AOPEP: variants seen among roughly 807,000 people sequenced by gnomAD.
AOPEP encodes the protein aminopeptidase O.
In AOPEP, 77 loss-of-function variants were observed where a neutral mutation model predicts 98.1. That is an observed-to-expected ratio of 0.78 (90% CI 0.65 to 0.95). The LOEUF is 0.95. Ranked by LOEUF, AOPEP falls within the 40% of genes least tolerant of loss-of-function variation. AOPEP has a pLI of 0.00. For missense variants in AOPEP, 1,024 were observed against 1,024.7 expected (o/e 1.00, Z 0.01); for synonymous variants, 346 against 365.3 (o/e 0.95, Z 0.60).
chr9:95,124,208 T>C, the AOPEP span, among the ~76,000 whole-genome samples: 1 of 151,610 alleles, frequency 6.6e-6, no homozygotes, highest in Non-Finnish European at 1.5e-5. Context: ...AGCATTGTAG[T>C]TCTCCTCTCG....
intron 15 of AOPEP, chr9:95,081,033 C>G: frequency 7.9e-6 from 4 of 507,712 alleles, no homozygotes; most frequent in South Asian, 7.2e-5. Context: ...GCTGCGTGCT[C>G]ACACTTCACG....
chr9:94,862,650 C>A (rs80156535), intron 5 of AOPEP, among the ~76,000 whole-genome samples: 1 of 152,216 alleles, frequency 6.6e-6, no homozygotes, highest in South Asian at 2.1e-4. Flanking sequence ...CTCCCTGGAA[C>A]CTTCTCCCAG....
intron 14 of AOPEP, among the ~76,000 whole-genome samples, chr9:95,071,918 G>A (rs1042514741): frequency 6.6e-6 from 1 of 152,206 alleles, no homozygotes; most frequent in African/African-American, 2.4e-5. Context: ...GCAGAGGGAA[G>A]AATAAGGCCC....
chr9:95,117,690 C>T, the AOPEP span, among the ~76,000 whole-genome samples: 1 of 151,770 alleles, frequency 6.6e-6, no homozygotes, highest in African/African-American at 2.4e-5. Context: ...GAAAGACTTG[C>T]CAAAGCCGTT....
chr9:94,793,018 G>A (rs889942862), intron 4 of AOPEP, 100 bp downstream of exon 4: 40 of 1,319,402 alleles, frequency 3.0e-5, no homozygotes, highest in Non-Finnish European at 4.2e-5. Flanking sequence ...AGTCATTCCT[G>A]CTGAGAAACT....
intron 1 of AOPEP, among the ~76,000 whole-genome samples, chr9:94,758,056 C>A (rs1305427899): frequency 6.6e-6 from 1 of 152,216 alleles, no homozygotes; most frequent in African/African-American, 2.4e-5. Context: ...ACTTCTATTG[C>A]ACTGAAAGTG....
the AOPEP span, chr9:95,099,793 C>T: frequency 1.3e-5 from 3 of 232,488 alleles, no homozygotes; most frequent in Non-Finnish European, 2.6e-5. Flanking sequence ...CTGGGAGATT[C>T]TGCAGATGGG....
chr9:95,100,874 C>T, the AOPEP span: 1 of 231,724 alleles, frequency 4.3e-6, no homozygotes, highest in Non-Finnish European at 8.5e-6. Flanking sequence ...AAGTAATCCC[C>T]CTGCCTTGGC....
the AOPEP span, among the ~76,000 whole-genome samples, chr9:95,149,482 ATT>A: frequency 1.4e-5 from 2 of 146,648 alleles, no homozygotes; most frequent in Admixed American, 6.8e-5. Context: ...ATCCTCAGTA[ATT>A]TTTTTTTTTT....
intron 5 of AOPEP, among the ~76,000 whole-genome samples, chr9:94,891,738 C>T (rs535969249): frequency 6.6e-6 from 1 of 152,272 alleles, no homozygotes; most frequent in South Asian, 2.1e-4. Context: ...TTTTGTTCAA[C>T]CATAAAATAA....
At chr9:94,929,411 C>T (rs1360416619) in intron 7 of AOPEP, among the ~76,000 whole-genome samples, 1 of 152,232 alleles carries the variant, frequency 6.6e-6, no homozygotes, top group Non-Finnish European at 1.5e-5. Context: ...TGACTGAAGC[C>T]TAACGCAAAT....
In AOPEP at chr9:95,086,776, T is replaced by G. The variant is rs1240665231; in HGVS notation, c.*99T>G. ...GACATCAAAGGAGGGATTATGTGGC[T>G]GCTAAAGCCATCGGCCCACAGCCCT... On this transcript the variant is annotated 3_prime_UTR_variant, in exon 17 of 17. Transcript: ENST00000375315. The G allele has an allele frequency of 5.1e-6, 5 of 987,926 alleles. No homozygotes were observed. Among genetic ancestry groups the G allele is most frequent in the Middle Eastern group, 2.8e-4 (1 of 3,562 alleles). 61.2% of individuals were successfully genotyped at this position (987,926 alleles called of 1,614,324 possible). A position where few individuals can be genotyped will look rare whatever the true frequency, so the allele number is the denominator to read the frequency against.
At chr9:94,842,562 T>C (rs1453485397) in intron 5 of AOPEP, among the ~76,000 whole-genome samples, 3 of 152,208 alleles carry the variant, frequency 2.0e-5, no homozygotes, top group Admixed American at 2.0e-4. Flanking sequence ...TGCTTTCAAT[T>C]GTCAAACACA....
intron 5 of AOPEP, among the ~76,000 whole-genome samples, chr9:94,868,035 T>C (rs2135550243): frequency 6.6e-6 from 1 of 152,298 alleles, no homozygotes; most frequent in African/African-American, 2.4e-5. Context: ...ACTCTGGAGA[T>C]TTGCCTACAG....
At chr9:94,949,848 G>T (rs935957894) in intron 7 of AOPEP, among the ~76,000 whole-genome samples, 3 of 152,230 alleles carry the variant, frequency 2.0e-5, no homozygotes. Flanking sequence ...AGGTGTCTTC[G>T]TGGAGCGGTG....
At chr9:95,103,545 T>A in the AOPEP span, among the ~76,000 whole-genome samples, 1 of 152,276 alleles carries the variant, frequency 6.6e-6, no homozygotes, top group African/African-American at 2.4e-5. Flanking sequence ...CTCTGCTCTG[T>A]GCCGGCCTCC....
intron 7 of AOPEP, among the ~76,000 whole-genome samples, chr9:94,946,840 T>C (rs1264095255): frequency 6.6e-6 from 1 of 152,146 alleles, no homozygotes; most frequent in Non-Finnish European, 1.5e-5. Flanking sequence ...CACAGCCTGC[T>C]TTGAGGCGCC....
chr9:94,800,645 T>G, intron 4 of AOPEP, 112 bp from the exon 5 acceptor site: 85 of 1,099,718 alleles, frequency 7.7e-5, no homozygotes, highest in Non-Finnish European at 1.1e-4. Context: ...TCTTTGCTTG[T>G]GAGTCTGTCT....
Position 94,928,444 on chromosome 9 carries a change from G to A in AOPEP, c.1574G>A (p.Arg525Gln), listed in dbSNP as rs1042730198. The A allele has an allele frequency of 1.2e-5, 18 of 1,548,772 alleles. No individual in the cohort carries two copies. Among genetic ancestry groups the A allele is most frequent in the East Asian group, 9.8e-5 (4 of 40,922 alleles). Residue 525 changes from arginine (R) to glutamine (Q), a missense_variant, in exon 7 of 17, where the codon CGG (arginine) becomes CAG (glutamine). Around this residue, in one of 3 missense-constraint regions of AOPEP, gnomAD observed 566 missense variants for 551.7 expected, o/e 1.03. Transcript: ENST00000375315. Reference protein sequence around the residue: ...TAQQLAPYEAREQQELRACLR... With the variant: ...TAQQLAPYEAQEQQELRACLR... The stretch of plus-strand genomic sequence containing the variant: ...GAGCAGCTGGCCCCCTATGAGGCCC[G>A]GGAGCAGCAGGAGCTGAGGGCTTGT...
Sources: gnomAD v4.1 joint callset for allele counts (sites outside exome capture counted in the v4.1 genomes callset) on GRCh38, gnomAD v4.1.1 for gene constraint, gnomAD v4.1.1 regional missense constraint, MANE v1.5 for transcripts, NCBI Gene and HGNC (gene_info 2026-07-23, HGNC 2026-07-21) for gene names.